The following SCARA5 variants were observed in gnomAD, a reference collection of about 807,000 sequenced individuals.
The protein encoded by SCARA5 is scavenger receptor class A member 5.
SCARA5 carries 45 observed loss-of-function variants against 46.3 expected under a neutral mutation model. That is an observed-to-expected ratio of 0.97 (90% CI 0.76 to 1.24). SCARA5 has a LOEUF of 1.24. Ranked by LOEUF, SCARA5 falls within the 50% of genes most tolerant of loss-of-function variation. The pLI, the probability that SCARA5 is intolerant of heterozygous loss-of-function variation, is 0.00. For synonymous variants in SCARA5, 333 were observed against 306.5 expected, an observed-to-expected ratio of 1.09 and a Z score of -0.90; for missense variants, 680 against 689.0, an observed-to-expected ratio of 0.99 and a Z score of 0.15.
chr8:27,955,949 T>C (rs1808200545), intron 3 of SCARA5, among the ~76,000 whole-genome samples: 1 of 152,074 alleles, frequency 6.6e-6, no homozygotes, highest in Non-Finnish European at 1.5e-5. Flanking sequence ...GATCATGGTG[T>C]CATTTACAGA....
chr8:27,933,097 G>C (rs940194375), intron 3 of SCARA5, among the ~76,000 whole-genome samples: 2 of 152,242 alleles, frequency 1.3e-5, no homozygotes, highest in African/African-American at 4.8e-5. Context: ...TCAGCCCATA[G>C]CAGGGTCCTT....
intron 3 of SCARA5, among the ~76,000 whole-genome samples, chr8:27,946,579 G>A (rs1362016235): frequency 6.6e-6 from 1 of 152,208 alleles, no homozygotes; most frequent in Non-Finnish European, 1.5e-5. Flanking sequence ...CATGCAGGCT[G>A]CGGTATTTTG....
chr8:27,952,634 T>C (rs1808146312), intron 3 of SCARA5, among the ~76,000 whole-genome samples: 1 of 152,178 alleles, frequency 6.6e-6, no homozygotes, highest in Non-Finnish European at 1.5e-5. Context: ...AATCCTATCA[T>C]TCCCTGCAAA....
At chr8:27,895,712 G>A (rs1807053965) in intron 7 of SCARA5, among the ~76,000 whole-genome samples, 1 of 152,182 alleles carries the variant, frequency 6.6e-6, no homozygotes. Flanking sequence ...TCCACTTAGG[G>A]GTCAGACGGG....
At chr8:27,891,288 C>G (rs1356299274) in intron 7 of SCARA5, among the ~76,000 whole-genome samples, 1 of 151,750 alleles carries the variant, frequency 6.6e-6, no homozygotes, top group African/African-American at 2.4e-5. Flanking sequence ...TCACTGCAAC[C>G]TTCACCTCCA....
At chr8:27,955,965 A>G (rs911635451) in intron 3 of SCARA5, among the ~76,000 whole-genome samples, 1 of 152,172 alleles carries the variant, frequency 6.6e-6, no homozygotes, top group African/African-American at 2.4e-5. Flanking sequence ...ACAGAGATGG[A>G]AAGGACTGGA....
At chr8:27,925,494 A>C (rs1284703511) in intron 3 of SCARA5, among the ~76,000 whole-genome samples, 1 of 152,216 alleles carries the variant, frequency 6.6e-6, no homozygotes, top group African/African-American at 2.4e-5. Context: ...AATTCAAGAC[A>C]GATTAAAGAC....
At chr8:27,884,988 G>T (rs1374526745) in intron 7 of SCARA5, among the ~76,000 whole-genome samples, 1 of 152,000 alleles carries the variant, frequency 6.6e-6, no homozygotes. Context: ...AAGTGGAGGA[G>T]GGAGGAAATG....
At chr8:27,938,879 T>C (rs1585501658) in intron 3 of SCARA5, among the ~76,000 whole-genome samples, 1 of 152,312 alleles carries the variant, frequency 6.6e-6, no homozygotes, top group South Asian at 2.1e-4. Flanking sequence ...CATTTATATA[T>C]ATATATTTCT....
At chr8:27,992,219 T>C (rs1808799822) in intron 1 of SCARA5, 38 bp downstream of exon 1, 1 of 152,332 alleles carries the variant, frequency 6.6e-6, no homozygotes, top group African/African-American at 2.4e-5. Flanking sequence ...TGAGACAGCA[T>C]GCCCAGGAGA....
At chr8:27,963,011 G>T (rs1231361136) in intron 3 of SCARA5, among the ~76,000 whole-genome samples, 1 of 152,196 alleles carries the variant, frequency 6.6e-6, no homozygotes, top group Non-Finnish European at 1.5e-5. Flanking sequence ...TAGACCAGTG[G>T]TCTTGCTACA....
intron 7 of SCARA5, among the ~76,000 whole-genome samples, chr8:27,897,754 A>G (rs1807088465): frequency 6.6e-6 from 1 of 152,250 alleles, no homozygotes; most frequent in Non-Finnish European, 1.5e-5. Flanking sequence ...CCCCCACTAG[A>G]TAAGGCGTCA....
At chr8:27,939,337 G>A (rs1212755646) in intron 3 of SCARA5, among the ~76,000 whole-genome samples, 1 of 152,196 alleles carries the variant, frequency 6.6e-6, no homozygotes, top group African/African-American at 2.4e-5. Flanking sequence ...GCAAGTGGCT[G>A]GGTCAGAGCT....
At chr8:27,971,035 G>A (rs1160542552) in intron 2 of SCARA5, among the ~76,000 whole-genome samples, 1 of 152,222 alleles carries the variant, frequency 6.6e-6, no homozygotes, top group Non-Finnish European at 1.5e-5. Context: ...CACACTGTGG[G>A]AAGGAGAGAC....
intron 7 of SCARA5, among the ~76,000 whole-genome samples, chr8:27,885,242 G>A (rs569431060): frequency 6.6e-6 from 1 of 152,292 alleles, no homozygotes; most frequent in Admixed American, 6.5e-5. Flanking sequence ...CTTGAGTGGA[G>A]ACCTGAATGA....
intron 7 of SCARA5, among the ~76,000 whole-genome samples, chr8:27,883,163 GT>G (rs1352253295): frequency 6.6e-6 from 1 of 152,212 alleles, no homozygotes; most frequent in Non-Finnish European, 1.5e-5. Flanking sequence ...AAAAATCAAT[GT>G]TTGCAGAATG....
chr8:27,918,608 G>C (rs1397823106), intron 4 of SCARA5, among the ~76,000 whole-genome samples: 1 of 149,208 alleles, frequency 6.7e-6, no homozygotes, highest in East Asian at 2.0e-4. Flanking sequence ...GGAGAAGGAG[G>C]AGGAAGAGGA....
At chr8:27,897,886 C>T (rs9644132) in intron 7 of SCARA5, among the ~76,000 whole-genome samples, 5,401 of 152,362 alleles carry the variant, frequency 0.035, 112 homozygotes, top group East Asian at 0.11. Flanking sequence ...GCCCTGGTTC[C>T]TGCCTTCAGT....
Position 27,919,461 on chromosome 8 carries a change from CAT to C in SCARA5, c.916+2108_916+2109del, listed in dbSNP as rs113080296. On this transcript the variant is annotated intron_variant, in intron 4 of 8. Coordinates refer to ENST00000354914, the MANE Select transcript of SCARA5 (RefSeq NM_173833.6). ...ACAATTAAATATCTCGAGAACATCACATGTTTCTGGTTTCGTTTGAAACAGAG... is the reference window on the plus strand; with the variant it reads ...ACAATTAAATATCTCGAGAACATCACGTTTCTGGTTTCGTTTGAAACAGAG... Among the ~76,000 whole-genome samples, 96 of 152,204 alleles carry C rather than the reference CAT, an allele frequency of 6.3e-4. 1 individual carries two copies. Among genetic ancestry groups the C allele is most frequent in the African/African-American group, 1.1e-3 (44 of 41,524 alleles).
Sources: allele counts gnomAD v4.1 joint callset (sites outside exome capture counted in the v4.1 genomes callset), GRCh38; gene constraint gnomAD v4.1.1; transcripts MANE v1.5; gene names NCBI Gene and HGNC (gene_info 2026-07-23, HGNC 2026-07-21).